Variants in KCTD3 observed in about 807,000 individuals in gnomAD.
The protein encoded by KCTD3 is BTB/POZ domain-containing protein KCTD3.
In KCTD3, 41 loss-of-function variants were observed where a neutral mutation model predicts 85.8. The ratio of observed to expected loss-of-function variants is 0.48; its 90% CI spans 0.37 to 0.62. The LOEUF (loss-of-function observed/expected upper bound fraction) is 0.62, where lower values mean the gene tolerates loss of function less well. Ranked by LOEUF, KCTD3 falls within the 20% of genes least tolerant of loss-of-function variation. The pLI is 0.00. For missense variants in KCTD3, 724 were observed against 989.9 expected (o/e 0.73, Z 3.60); for synonymous variants, 338 against 345.4 (o/e 0.98, Z 0.24).
intron 15 of KCTD3, among the ~76,000 whole-genome samples, chr1:215,615,707 A>G (rs1450721852): frequency 6.6e-6 from 1 of 152,144 alleles, no homozygotes; most frequent in Non-Finnish European, 1.5e-5. Flanking sequence ...CACAGCAGAT[A>G]CCCCTTTAAC....
In KCTD3 at chr1:215,567,600, C is replaced by T. The variant is rs935576108; in HGVS notation, c.-86C>T. Reference sequence around the variant, plus strand: ...GCCGCCGCCCCGCTGGCCCTGCAGCCGTCGCCGCTGCCTCGGGCTACAGCC... The same window carrying T: ...GCCGCCGCCCCGCTGGCCCTGCAGCTGTCGCCGCTGCCTCGGGCTACAGCC... On this transcript the variant is annotated 5_prime_UTR_variant, in exon 1 of 18. Coordinates refer to ENST00000259154, the MANE Select transcript of KCTD3 (RefSeq NM_016121.5). The T allele has an allele frequency of 1.7e-5, 14 of 821,386 alleles. No individual in the cohort carries two copies. Among genetic ancestry groups the T allele is most frequent in the South Asian group, 1.3e-4 (2 of 15,900 alleles). 50.9% of individuals were successfully genotyped at this position (821,386 alleles called of 1,614,324 possible).
intron 4 of KCTD3, among the ~76,000 whole-genome samples, chr1:215,577,177 C>T (rs921588557): frequency 2.7e-5 from 4 of 150,132 alleles, no homozygotes; most frequent in Non-Finnish European, 5.9e-5. Flanking sequence ...ATATTTATTA[C>T]ATAACTATTT....
At chr1:215,586,900 G>A (rs748586243) in intron 9 of KCTD3, among the ~76,000 whole-genome samples, 3 of 152,070 alleles carry the variant, frequency 2.0e-5, no homozygotes, top group Non-Finnish European at 4.4e-5. Flanking sequence ...GTGAAACCTG[G>A]CTGCTCTATG....
intron 9 of KCTD3, among the ~76,000 whole-genome samples, chr1:215,588,454 A>G (rs1660095871): frequency 6.6e-6 from 1 of 151,772 alleles, no homozygotes; most frequent in Non-Finnish European, 1.5e-5. Context: ...TTGGCCTTTT[A>G]TGTTCTTGAA....
rs1262079139 is a variant in KCTD3, at chr1:215,567,532, C to T, written c.-154C>T. The T allele has an allele frequency of 6.3e-6, 2 of 319,116 alleles. No individual in the cohort carries two copies. The highest frequency in any genetic ancestry group is 1.1e-5 in the Non-Finnish European group (2 of 180,568). The allele number at this position is 319,116 out of a possible 1,614,324, so 19.8% of individuals were successfully genotyped here. A position where few individuals can be genotyped will look rare whatever the true frequency, so the allele number is the denominator to read the frequency against. ...AAGCTAGCGAGCCCCGCCCGGCCGC[C>T]GGGAAGGTGGGGGAAGCCCCGTGCA... On this transcript the variant is annotated 5_prime_UTR_variant, in exon 1 of 18. Transcript: ENST00000259154.
At chr1:215,595,230 G>A (rs572846138) in intron 9 of KCTD3, 126 bp from the exon 10 acceptor site, 26 of 632,932 alleles carry the variant, frequency 4.1e-5, no homozygotes, top group South Asian at 9.6e-5. Context: ...TCCCCAACAC[G>A]TATAGCACAT....
chr1:215,569,696 C>T (rs947275709), intron 1 of KCTD3, among the ~76,000 whole-genome samples: 14 of 150,812 alleles, frequency 9.3e-5, no homozygotes, highest in Admixed American at 8.6e-4. Flanking sequence ...CCCAGGTTCG[C>T]GCCATTCTCC....
intron 2 of KCTD3, 47 bp downstream of exon 2, chr1:215,573,886 C>A: frequency 1.7e-6 from 2 of 1,181,178 alleles, no homozygotes; most frequent in Non-Finnish European, 2.4e-6. Flanking sequence ...ATTTATTTAC[C>A]AAAATATAAT....
At chr1:215,589,395 C>G (rs990492981) in intron 9 of KCTD3, among the ~76,000 whole-genome samples, 3 of 152,182 alleles carry the variant, frequency 2.0e-5, no homozygotes, top group African/African-American at 7.2e-5. Flanking sequence ...GCTACCTTGG[C>G]TTTCCAAAGT....
At chr1:215,596,451 T>A (rs1660419648) in intron 10 of KCTD3, among the ~76,000 whole-genome samples, 1 of 152,100 alleles carries the variant, frequency 6.6e-6, no homozygotes, top group Non-Finnish European at 1.5e-5. Flanking sequence ...ATTGAGTGGG[T>A]ATATAGAAAG....
intron 9 of KCTD3, among the ~76,000 whole-genome samples, chr1:215,589,133 C>A (rs1571882245): frequency 6.6e-6 from 1 of 151,802 alleles, no homozygotes; most frequent in South Asian, 2.1e-4. Flanking sequence ...TCTTTTTCTT[C>A]TTTTCTTTCC....
At chr1:215,612,063 C>T (rs1655253931) in intron 15 of KCTD3, 142 bp downstream of exon 15, 6 of 599,554 alleles carry the variant, frequency 1.0e-5, no homozygotes, top group East Asian at 8.4e-5. Context: ...ATAATCATAA[C>T]TCAAAATTAA....
At chr1:215,607,436 A>T (rs1010302007) in intron 13 of KCTD3, among the ~76,000 whole-genome samples, 2 of 152,018 alleles carry the variant, frequency 1.3e-5, no homozygotes, top group Non-Finnish European at 2.9e-5. Context: ...TTCTATTCAC[A>T]AAATAAATAA....
intron 15 of KCTD3, 146 bp downstream of exon 15, chr1:215,612,067 A>G: frequency 1.7e-6 from 1 of 592,604 alleles, no homozygotes; most frequent in Admixed American, 2.9e-5. Flanking sequence ...TCATAACTCA[A>G]AATTAAGACA....
intron 8 of KCTD3, among the ~76,000 whole-genome samples, chr1:215,580,308 A>G (rs1315108932): frequency 6.6e-6 from 1 of 152,178 alleles, no homozygotes; most frequent in Non-Finnish European, 1.5e-5. Context: ...GTAGTATATA[A>G]TGATGTTAGA....
chr1:215,573,895 A>G (rs1659467156), intron 2 of KCTD3, 56 bp downstream of exon 2: 1 of 1,162,576 alleles, frequency 8.6e-7, no homozygotes, highest in African/African-American at 1.6e-5. Flanking sequence ...CCAAAATATA[A>G]TAATGTTTGT....
chr1:215,613,853 C>T (rs976756247), intron 15 of KCTD3, among the ~76,000 whole-genome samples: 1 of 151,614 alleles, frequency 6.6e-6, no homozygotes, highest in Admixed American at 6.6e-5. Context: ...TTGCTTTGGT[C>T]TATGTGTTTG....
intron 15 of KCTD3, among the ~76,000 whole-genome samples, chr1:215,613,313 A>C (rs1655303087): frequency 6.6e-6 from 1 of 152,110 alleles, no homozygotes; most frequent in Non-Finnish European, 1.5e-5. Flanking sequence ...ACCTCCAGAC[A>C]TGTGTCTGTT....
chr1:215,601,036 C>T (rs372993960), intron 10 of KCTD3, among the ~76,000 whole-genome samples: 2 of 151,992 alleles, frequency 1.3e-5, no homozygotes, highest in Non-Finnish European at 2.9e-5. Context: ...CTCCCAGGTT[C>T]GAGCAATTCT....
Sources: allele counts gnomAD v4.1 joint callset (sites outside exome capture counted in the v4.1 genomes callset), GRCh38; gene constraint gnomAD v4.1.1; transcripts MANE v1.5; gene names NCBI Gene and HGNC (gene_info 2026-07-23, HGNC 2026-07-21).